FARS2: variants seen among roughly 807,000 people sequenced by gnomAD.
FARS2 encodes the protein phenylalanyl-tRNA synthetase 2, mitochondrial, also known as phenylalanine--tRNA ligase, mitochondrial.
A neutral mutation model predicts 46.4 loss-of-function variants in FARS2; 40 were observed. That is an observed-to-expected ratio of 0.86 (90% CI 0.67 to 1.12). FARS2 has a LOEUF of 1.12. Ranked by LOEUF, FARS2 falls within the 50% of genes most tolerant of loss-of-function variation. The pLI is 0.00. For missense variants in FARS2, 513 were observed against 567.9 expected (o/e 0.90, Z 0.98); for synonymous variants, 234 against 214.9 (o/e 1.09, Z -0.78).
intron 6 of FARS2, among the ~76,000 whole-genome samples, chr6:5,679,005 C>A (rs1778900141): frequency 6.6e-6 from 1 of 152,054 alleles, no homozygotes; most frequent in Admixed American, 6.6e-5. Flanking sequence ...GAAGTGGTGC[C>A]CCTTGGATCA....
rs75835525 is a variant in FARS2 at position 5,495,375 on chromosome 6, C to T, written c.905-49805C>T. Among the ~76,000 whole-genome samples, 268 of 152,322 alleles carry T rather than the reference C, an allele frequency of 1.8e-3. 2 individuals carry two copies. Among genetic ancestry groups the T allele is most frequent in the African/African-American group, 6.2e-3 (256 of 41,564 alleles). On this transcript the variant is annotated intron_variant, in intron 4 of 6. Coordinates refer to ENST00000274680, the MANE Select transcript of FARS2 (RefSeq NM_006567.5). The stretch of plus-strand genomic sequence containing the variant: ...TCTGTTATTCTCTCCCCTTGGTAAA[C>T]CCCTGTGCTCCCAGTGGAGCCAGAA...
intron 4 of FARS2, among the ~76,000 whole-genome samples, chr6:5,542,107 C>T (rs1418117153): frequency 2.0e-5 from 3 of 152,118 alleles, no homozygotes; most frequent in Admixed American, 2.0e-4. Flanking sequence ...GCTTCTTTAC[C>T]ATATCCTGTT....
chr6:5,313,888 A>G (rs1410736410), intron 1 of FARS2, among the ~76,000 whole-genome samples: 2 of 151,934 alleles, frequency 1.3e-5, no homozygotes, highest in Admixed American at 1.3e-4. Flanking sequence ...TAACCTCCCA[A>G]TCCCTGGCTC....
At chr6:5,372,260 TACAG>T (rs1218374003) in intron 2 of FARS2, among the ~76,000 whole-genome samples, 2 of 152,166 alleles carry the variant, frequency 1.3e-5, no homozygotes, top group Non-Finnish European at 2.9e-5. Flanking sequence ...TGTGTAAAGA[TACAG>T]ACAGTCTGAA....
chr6:5,661,677 G>A (rs1777857727), intron 6 of FARS2, among the ~76,000 whole-genome samples: 1 of 152,166 alleles, frequency 6.6e-6, no homozygotes, highest in South Asian at 2.1e-4. Context: ...TGGTGACTGT[G>A]GGGAGAAATG....
At chr6:5,531,531 C>T (rs1177681641) in intron 4 of FARS2, among the ~76,000 whole-genome samples, 1 of 152,142 alleles carries the variant, frequency 6.6e-6, no homozygotes, top group Non-Finnish European at 1.5e-5. Context: ...CCAGCTCAGA[C>T]CGTATTAAAG....
At chr6:5,271,088 T>A (rs1765911138) in intron 1 of FARS2, among the ~76,000 whole-genome samples, 1 of 152,222 alleles carries the variant, frequency 6.6e-6, no homozygotes, top group Non-Finnish European at 1.5e-5. Context: ...CTCCTGTGTC[T>A]TGAGGGTTCA....
intron 6 of FARS2, among the ~76,000 whole-genome samples, chr6:5,756,986 G>A (rs1462333422): frequency 6.6e-6 from 1 of 152,174 alleles, no homozygotes; most frequent in Non-Finnish European, 1.5e-5. Flanking sequence ...GCTTCTTCAA[G>A]GCATGACAGT....
At chr6:5,517,302 G>A (rs1768865230) in intron 4 of FARS2, among the ~76,000 whole-genome samples, 1 of 152,096 alleles carries the variant, frequency 6.6e-6, no homozygotes, top group Non-Finnish European at 1.5e-5. Context: ...CAACAGATAT[G>A]TGCTTTAAGT....
intron 6 of FARS2, among the ~76,000 whole-genome samples, chr6:5,616,317 T>A (rs1205126451): frequency 6.6e-6 from 1 of 152,220 alleles, no homozygotes; most frequent in Admixed American, 6.5e-5. Flanking sequence ...TCCATGTTGA[T>A]ACTAGAAGTC....
Position 5,526,294 on chromosome 6 carries a change from A to G in FARS2, c.905-18886A>G, listed in dbSNP as rs554625445. Among the ~76,000 whole-genome samples, 18 of 152,344 alleles carry G rather than the reference A, an allele frequency of 1.2e-4. No individual in the cohort carries two copies. The South Asian group carries it at 3.1e-3, about 26-fold the overall frequency. On this transcript the variant is annotated intron_variant, in intron 4 of 6. Coordinates refer to ENST00000274680, the MANE Select transcript of FARS2 (RefSeq NM_006567.5). The stretch of plus-strand genomic sequence containing the variant: ...ATGTTTTGGATAATGATGAAGAGAG[A>G]TGCAATTTGGTTATGAGAATAAATC...
chr6:5,682,234 T>C lies in FARS2; in HGVS notation c.1217+68914T>C, dbSNP rs139492158. Among the ~76,000 whole-genome samples the C allele has an allele frequency of 7.5e-4, 114 of 152,256 alleles. 1 individual carries two copies. The South Asian group carries it at 8.1e-3, about 11-fold the overall frequency. On this transcript the variant is annotated intron_variant, in intron 6 of 6. Transcript: ENST00000274680. ...TTACCAAAGAAAAACAGGAAACAAA[T>C]TAATATCTATATATAGTTACAACAA...
chr6:5,619,257 G>A (rs1775637196), intron 6 of FARS2, among the ~76,000 whole-genome samples: 2 of 152,142 alleles, frequency 1.3e-5, no homozygotes, highest in South Asian at 4.1e-4. Context: ...GGGAATTGGG[G>A]AGTAAAATTT....
At chr6:5,397,319 C>T (rs918287307) in intron 2 of FARS2, among the ~76,000 whole-genome samples, 2 of 152,030 alleles carry the variant, frequency 1.3e-5, no homozygotes, top group Non-Finnish European at 2.9e-5. Flanking sequence ...ATTGGCTGAG[C>T]GTAGAAGATT....
intron 4 of FARS2, among the ~76,000 whole-genome samples, chr6:5,507,541 AGT>A (rs1768171357): frequency 6.6e-6 from 1 of 152,212 alleles, no homozygotes; most frequent in South Asian, 2.1e-4. Context: ...CCCTGACAGG[AGT>A]GTGTAATTGG....
At chr6:5,555,065 G>A (rs1440803191) in intron 5 of FARS2, among the ~76,000 whole-genome samples, 2 of 152,110 alleles carry the variant, frequency 1.3e-5, no homozygotes, top group Non-Finnish European at 2.9e-5. Flanking sequence ...GGACCAGATG[G>A]CAGATAATTT....
At chr6:5,523,430 T>C (rs1467758878) in intron 4 of FARS2, among the ~76,000 whole-genome samples, 1 of 151,900 alleles carries the variant, frequency 6.6e-6, no homozygotes, top group African/African-American at 2.4e-5. Flanking sequence ...TTTTTTTTTT[T>C]TTCTCATGGG....
At chr6:5,539,407 T>TATA (rs771563949) in intron 4 of FARS2, among the ~76,000 whole-genome samples, 1 of 143,490 alleles carries the variant, frequency 7.0e-6, no homozygotes, top group Non-Finnish European at 1.5e-5. Context: ...TATGTATATA[T>TATA]TTTTTTAGTA....
intron 6 of FARS2, among the ~76,000 whole-genome samples, chr6:5,697,940 G>C (rs143906896): frequency 2.0e-5 from 3 of 152,284 alleles, no homozygotes; most frequent in African/African-American, 7.2e-5. Flanking sequence ...GCAGCAGATT[G>C]TGTCATGCTC....
Sources: gnomAD v4.1 joint callset for allele counts (sites outside exome capture counted in the v4.1 genomes callset) on GRCh38, gnomAD v4.1.1 for gene constraint, MANE v1.5 for transcripts, NCBI Gene and HGNC (gene_info 2026-07-23, HGNC 2026-07-21) for gene names.